The following QNG1 variants were observed in gnomAD, a reference collection of about 807,000 sequenced individuals.
The protein encoded by QNG1 is Q-nucleotide N-glycosylase 1.
the QNG1 span, chr9:83,953,844 CTG>C: frequency 1.3e-5 from 20 of 1,537,872 alleles, no homozygotes; most frequent in African/African-American, 2.6e-4. Flanking sequence ...TTCAAGTACA[CTG>C]TGTATGAAAA....
At chr9:83,947,746 C>T in the QNG1 span, among the ~76,000 whole-genome samples, 1 of 152,220 alleles carries the variant, frequency 6.6e-6, no homozygotes, top group Non-Finnish European at 1.5e-5. Flanking sequence ...AGCTCCTGAC[C>T]GCGAGTGATC....
the QNG1 span, among the ~76,000 whole-genome samples, chr9:83,948,309 C>T: frequency 0.017 from 1,724 of 99,770 alleles, 19 homozygotes; most frequent in Non-Finnish European, 0.034. Flanking sequence ...AGGAGCCCCT[C>T]CGCCCGGCAG....
At chr9:83,945,671 G>A in the QNG1 span, among the ~76,000 whole-genome samples, 5 of 151,770 alleles carry the variant, frequency 3.3e-5, no homozygotes, top group Admixed American at 3.3e-4. Flanking sequence ...GTGCAATCTC[G>A]GCTCACTGCA....
the QNG1 span, among the ~76,000 whole-genome samples, chr9:83,948,209 C>T: frequency 1.3e-5 from 2 of 151,650 alleles, no homozygotes; most frequent in Non-Finnish European, 2.9e-5. Context: ...ACCGCCACCC[C>T]GTCTGGGAGG....
At chr9:83,953,601 C>T in the QNG1 span, 2 of 501,420 alleles carry the variant, frequency 4.0e-6, no homozygotes, top group Non-Finnish European at 7.3e-6. Flanking sequence ...CCGCCTTGGC[C>T]CCCCAAAGTG....
chr9:83,956,486 T>G, the QNG1 span: 2 of 1,524,094 alleles, frequency 1.3e-6, no homozygotes, highest in Non-Finnish European at 1.8e-6. Context: ...CCCTGGGATT[T>G]AGGAGCCCGT....
At chr9:83,954,847 T>TA in the QNG1 span, among the ~76,000 whole-genome samples, 3 of 120,672 alleles carry the variant, frequency 2.5e-5, no homozygotes, top group African/African-American at 1.0e-4. Context: ...GCCACTGCAC[T>TA]CTAGCCTGGG....
chr9:83,955,359 ATCC>A, the QNG1 span: 1 of 1,605,806 alleles, frequency 6.2e-7, no homozygotes, highest in South Asian at 1.1e-5. Context: ...GACTTCTAAA[ATCC>A]CCAACAGAAG....
the QNG1 span, among the ~76,000 whole-genome samples, chr9:83,952,813 C>T: frequency 8.0e-6 from 1 of 124,928 alleles, no homozygotes; most frequent in African/African-American, 3.0e-5. Flanking sequence ...AAAAAAAAAA[C>T]AAAAATTAGC....
At chr9:83,951,487 G>C in the QNG1 span, among the ~76,000 whole-genome samples, 2 of 152,174 alleles carry the variant, frequency 1.3e-5, no homozygotes, top group African/African-American at 4.8e-5. Flanking sequence ...CTAGAACCCG[G>C]GAGGCAGAGG....
chr9:83,941,984 G>A, the QNG1 span, among the ~76,000 whole-genome samples: 5 of 152,112 alleles, frequency 3.3e-5, no homozygotes, highest in African/African-American at 1.2e-4. Context: ...GTGTGATGCA[G>A]CTACAAACCA....
At chr9:83,956,283 G>A in the QNG1 span, 1 of 1,614,136 alleles carries the variant, frequency 6.2e-7, no homozygotes, top group Non-Finnish European at 8.5e-7. Context: ...GAAGTTGAGC[G>A]TGTCTGTCAC....
At chr9:83,956,520 C>A in the QNG1 span, 3 of 1,513,520 alleles carry the variant, frequency 2.0e-6, no homozygotes, top group Non-Finnish European at 2.7e-6. Context: ...TGGGACCCGG[C>A]GGGCCAAACT....
chr9:83,942,374 T>C, the QNG1 span, among the ~76,000 whole-genome samples: 2 of 152,216 alleles, frequency 1.3e-5, no homozygotes, highest in Non-Finnish European at 1.5e-5. Flanking sequence ...ATTGCATTGT[T>C]AGTCTTTATA....
chr9:83,956,588 C>G, the QNG1 span: 4 of 1,139,424 alleles, frequency 3.5e-6, no homozygotes, highest in Non-Finnish European at 4.9e-6. Context: ...ACGAACCGCG[C>G]GATCACAGGG....
chr9:83,948,443 C>A, the QNG1 span, among the ~76,000 whole-genome samples: 1 of 143,210 alleles, frequency 7.0e-6, no homozygotes, highest in Admixed American at 6.8e-5. Context: ...GCAGCCCCCC[C>A]GCCCGGCCAG....
the QNG1 span, among the ~76,000 whole-genome samples, chr9:83,944,396 C>T: frequency 6.6e-6 from 1 of 152,154 alleles, no homozygotes; most frequent in African/African-American, 2.4e-5. Context: ...CCAGTGCAGA[C>T]CTTGGAGTCT....
At chr9:83,956,826 C>G in the QNG1 span, 18 of 261,058 alleles carry the variant, frequency 6.9e-5, no homozygotes, top group African/African-American at 3.3e-4. Context: ...TGCTAAGGGT[C>G]CGGCGTTCAC....
chr9:83,945,077 T>C, the QNG1 span: 1 of 1,038,724 alleles, frequency 9.6e-7, no homozygotes, highest in Non-Finnish European at 1.4e-6. Context: ...AAACATTTTT[T>C]AAAAGGCAGA....
Sources: allele counts gnomAD v4.1 joint callset (sites outside exome capture counted in the v4.1 genomes callset), GRCh38; gene constraint gnomAD v4.1.1; transcripts MANE v1.5; gene names NCBI Gene and HGNC (gene_info 2026-07-23, HGNC 2026-07-21).